The following S100Z variants were observed in gnomAD, a reference collection of about 807,000 sequenced individuals.
S100Z encodes S100 calcium binding protein Z.
A neutral mutation model predicts 8.5 loss-of-function variants in S100Z; 11 were observed. The observed-to-expected ratio is 1.30, with a 90% CI of 0.82 to 2.15. The LOEUF is 2.15. Ranked by LOEUF, S100Z falls within the 30% of genes most tolerant of loss-of-function variation. The pLI, the probability that S100Z is intolerant of heterozygous loss-of-function variation, is 0.00. For missense variants in S100Z, 126 were observed against 117.9 expected, an observed-to-expected ratio of 1.07 and a Z score of -0.32; for synonymous variants, 34 against 43.8, an observed-to-expected ratio of 0.78 and a Z score of 0.89.
intron 4 of S100Z, among the ~76,000 whole-genome samples, chr5:76,914,016 G>C (rs1744766731): frequency 6.6e-6 from 1 of 152,012 alleles, no homozygotes; most frequent in South Asian, 2.1e-4. Flanking sequence ...TGTTTCCTCT[G>C]GAATCAAGGC....
At chr5:76,945,711 C>G in the S100Z span, among the ~76,000 whole-genome samples, 4 of 152,290 alleles carry the variant, frequency 2.6e-5, no homozygotes, top group South Asian at 2.1e-4. Context: ...ACCTTCTCCC[C>G]ACTATCACCC....
chr5:76,894,804 G>C (rs1249656876), intron 4 of S100Z, among the ~76,000 whole-genome samples: 1 of 151,922 alleles, frequency 6.6e-6, no homozygotes, highest in Non-Finnish European at 1.5e-5. Context: ...GTTGAGGCTG[G>C]TCTTGAACCC....
chr5:76,945,796 G>A, the S100Z span, among the ~76,000 whole-genome samples: 52 of 152,270 alleles, frequency 3.4e-4, no homozygotes, highest in African/African-American at 5.8e-4. Flanking sequence ...CCCAGAGACC[G>A]GTGCCGGTGC....
At chr5:76,904,641 A>G (rs1744361833) in intron 4 of S100Z, among the ~76,000 whole-genome samples, 1 of 152,108 alleles carries the variant, frequency 6.6e-6, no homozygotes, top group Non-Finnish European at 1.5e-5. Context: ...TAGAACTTTC[A>G]AGTAGAGTTG....
At chr5:76,884,364 G>A (rs886395527) in intron 4 of S100Z, among the ~76,000 whole-genome samples, 1 of 152,172 alleles carries the variant, frequency 6.6e-6, no homozygotes, top group African/African-American at 2.4e-5. Flanking sequence ...GGATCTTCTC[G>A]GGGAACTGCT....
chr5:76,871,292 T>C (rs1743001869), intron 2 of S100Z, among the ~76,000 whole-genome samples: 1 of 152,192 alleles, frequency 6.6e-6, no homozygotes, highest in African/African-American at 2.4e-5. Context: ...CAGCTAGGCC[T>C]TTCCAGATCT....
At chr5:76,941,393 T>A in the S100Z span, among the ~76,000 whole-genome samples, 1 of 152,090 alleles carries the variant, frequency 6.6e-6, no homozygotes, top group Admixed American at 6.6e-5. Flanking sequence ...ATAAGTCTCA[T>A]GAGACCTGAT....
At chr5:76,863,166 T>C (rs993827195) in intron 1 of S100Z, among the ~76,000 whole-genome samples, 1 of 152,222 alleles carries the variant, frequency 6.6e-6, no homozygotes, top group Admixed American at 6.5e-5. Flanking sequence ...CCTGTTTTTC[T>C]GGACGGTAGG....
At chr5:76,872,191 G>GAGCCATTATTGC (rs1207237186) in intron 2 of S100Z, among the ~76,000 whole-genome samples, 3 of 152,074 alleles carry the variant, frequency 2.0e-5, no homozygotes, top group Non-Finnish European at 4.4e-5. Flanking sequence ...AGGCTGCAGT[G>GAGCCATTATTGC]AGCCATTATT....
the S100Z span, among the ~76,000 whole-genome samples, chr5:76,940,026 A>G: frequency 6.6e-6 from 1 of 151,692 alleles, no homozygotes; most frequent in Admixed American, 6.6e-5. Flanking sequence ...GCATGGTGGC[A>G]TATGCCTGTA....
rs545168146 is a variant in S100Z at position 76,886,592 on chromosome 5, T to A, written c.*2+8758T>A. Among the ~76,000 whole-genome samples the A allele has an allele frequency of 7.2e-5, 11 of 152,276 alleles. No individual in the cohort carries two copies. In the South Asian group the frequency reaches 2.3e-3, roughly 32 times the overall value. Reference sequence around the variant, plus strand: ...ACCGGGGTCTTTGGCACCAAATGTCTCATATGTCCGTGTGAAGAGACCACC... The same window carrying A: ...ACCGGGGTCTTTGGCACCAAATGTCACATATGTCCGTGTGAAGAGACCACC... On this transcript the variant is annotated intron_variant, in intron 4 of 4. Coordinates refer to ENST00000317593, the MANE Select transcript of S100Z (RefSeq NM_130772.4).
rs534579257 is a variant in S100Z at position 76,913,039 on chromosome 5, C to T, written c.*3-7678C>T. ...AGAGATGGAAGTAGTAAAGAAAAAACGTATACCCTATTCCTTTAAAAGCCA... is the reference window on the plus strand; with the variant it reads ...AGAGATGGAAGTAGTAAAGAAAAAATGTATACCCTATTCCTTTAAAAGCCA... On this transcript the variant is annotated intron_variant, in intron 4 of 4. Transcript: ENST00000317593. Among the ~76,000 whole-genome samples, 22 of 152,276 alleles carry T rather than the reference C, an allele frequency of 1.4e-4. No homozygotes were observed. The South Asian group carries it at 3.7e-3, about 26-fold the overall frequency.
chr5:76,951,407 G>A, the S100Z span, among the ~76,000 whole-genome samples: 4 of 152,190 alleles, frequency 2.6e-5, no homozygotes, highest in Non-Finnish European at 4.4e-5. Flanking sequence ...GCAACATTGA[G>A]CTGGAGTGAC....
At chr5:76,925,633 G>A (rs949428249), downstream of S100Z, among the ~76,000 whole-genome samples, 2 of 152,012 alleles carry the variant, frequency 1.3e-5, no homozygotes, top group Non-Finnish European at 2.9e-5. Flanking sequence ...GCTTGCTATA[G>A]GAAGAACTTA....
chr5:76,904,395 C>T (rs1318506618), intron 4 of S100Z, among the ~76,000 whole-genome samples: 3 of 152,142 alleles, frequency 2.0e-5, no homozygotes, highest in Non-Finnish European at 4.4e-5. Flanking sequence ...TTCTCCCTGC[C>T]TCAGCCTCCT....
chr5:76,871,984 C>A (rs1743025600), intron 2 of S100Z, among the ~76,000 whole-genome samples: 1 of 152,246 alleles, frequency 6.6e-6, no homozygotes, highest in Non-Finnish European at 1.5e-5. Context: ...TGCCCATAAT[C>A]TCAGCACTTT....
rs370691596 is a variant in S100Z at position 76,883,728 on chromosome 5, G to A, written c.*2+5894G>A. Among the ~76,000 whole-genome samples, 68 of 152,322 alleles carry A rather than the reference G, an allele frequency of 4.5e-4. No homozygotes were observed. The South Asian group carries it at 0.014, about 31-fold the overall frequency. ...AGTTCCAGGGGCTCCGGGAGTGGCT[G>A]CCAGGTGAGTTGGACAGTCCGATTT... On this transcript the variant is annotated intron_variant, in intron 4 of 4. Coordinates refer to ENST00000317593, the MANE Select transcript of S100Z (RefSeq NM_130772.4).
chr5:76,914,680 C>A (rs1047722972), intron 4 of S100Z, among the ~76,000 whole-genome samples: 7 of 152,016 alleles, frequency 4.6e-5, no homozygotes, highest in Non-Finnish European at 1.0e-4. Flanking sequence ...AAAAGCAACT[C>A]CAGACGTGCC....
At chr5:76,931,730 A>C in the S100Z span, among the ~76,000 whole-genome samples, 1 of 152,350 alleles carries the variant, frequency 6.6e-6, no homozygotes, top group Non-Finnish European at 1.5e-5. Flanking sequence ...TCTAATACCC[A>C]GAAGTAAGCT....
Sources: gnomAD v4.1 joint callset for allele counts (sites outside exome capture counted in the v4.1 genomes callset) on GRCh38, gnomAD v4.1.1 for gene constraint, MANE v1.5 for transcripts, NCBI Gene and HGNC (gene_info 2026-07-23, HGNC 2026-07-21) for gene names.